C12orf42: variants seen among roughly 807,000 people sequenced by gnomAD.
C12orf42 encodes chromosome 12 open reading frame 42.
C12orf42 carries 25 observed loss-of-function variants against 21.6 expected under a neutral mutation model. The observed-to-expected ratio is 1.16, with a 90% CI of 0.84 to 1.62. The LOEUF (loss-of-function observed/expected upper bound fraction) is 1.62. Among genes scored for constraint, C12orf42 ranks in the 40% most tolerant of loss-of-function variants. The probability of loss-of-function intolerance (pLI) is 0.00; values close to 1 mark genes in which losing one functional copy is unlikely to be tolerated. For missense variants in C12orf42, 483 were observed against 459.3 expected (o/e 1.05, Z -0.47); for synonymous variants, 174 against 175.0 (o/e 0.99, Z 0.05).
intron 2 of C12orf42, among the ~76,000 whole-genome samples, chr12:103,456,851 T>C (rs147676361): frequency 1.1e-3 from 168 of 152,332 alleles, no homozygotes; most frequent in African/African-American, 3.6e-3. Flanking sequence ...CTTTACTAAA[T>C]CAAATTAATA....
rs1182894693 is a variant in C12orf42, at chr12:103,302,482, G to C, written c.709C>G (p.Pro237Ala). The part of the protein sequence containing the change: ...QTPGALQSTG[P>A]SNTELEPEER... Reference sequence around the variant, plus strand: ...TCCGGCTCGAGCTCTGTGTTACTCGGGCCGGTGCTCTGCAGAGCGCCGGGC... The same window carrying C: ...TCCGGCTCGAGCTCTGTGTTACTCGCGCCGGTGCTCTGCAGAGCGCCGGGC... The change falls in exon 6 of 6, where the codon CCG becomes GCG. Residue 237 changes from proline to alanine, a missense_variant. Coordinates refer to ENST00000548883, the MANE Select transcript of C12orf42 (RefSeq NM_198521.5). 1.9e-6 allele frequency: 3 copies of C among 1,613,416 alleles called. No individual in the cohort carries two copies. The highest frequency in any genetic ancestry group is 2.5e-6 in the Non-Finnish European group (3 of 1,179,808).
chr12:103,471,529 T>G (rs1565881807), intron 2 of C12orf42, among the ~76,000 whole-genome samples: 1 of 152,250 alleles, frequency 6.6e-6, no homozygotes, highest in Non-Finnish European at 1.5e-5. Context: ...AGCATCTTGA[T>G]TGTATGAGGT....
At chr12:103,198,488 C>T in the C12orf42 span, among the ~76,000 whole-genome samples, 1 of 152,200 alleles carries the variant, frequency 6.6e-6, no homozygotes, top group Non-Finnish European at 1.5e-5. Context: ...CCAAAGCCAC[C>T]TAGAGGAGCA....
chr12:103,292,673 A>T (rs1293323323), intron 4 of C12orf42, among the ~76,000 whole-genome samples: 2 of 152,090 alleles, frequency 1.3e-5, no homozygotes, highest in Non-Finnish European at 2.9e-5. Flanking sequence ...AGCTTTGAAA[A>T]TGCTTTAGAA....
intron 1 of C12orf42, among the ~76,000 whole-genome samples, chr12:103,481,095 T>C (rs1363513430): frequency 2.6e-5 from 4 of 151,886 alleles, no homozygotes; most frequent in Non-Finnish European, 5.9e-5. Context: ...ATCTTCTTAA[T>C]AAATCATTTT....
At chr12:103,341,805 A>G (rs920318664) in intron 4 of C12orf42, among the ~76,000 whole-genome samples, 16 of 152,206 alleles carry the variant, frequency 1.1e-4, no homozygotes, top group Non-Finnish European at 2.1e-4. Flanking sequence ...GCCCACAGTA[A>G]CATAATCAAA....
chr12:103,509,962 G>C, the C12orf42 span, among the ~76,000 whole-genome samples: 1 of 152,254 alleles, frequency 6.6e-6, no homozygotes, highest in Admixed American at 6.5e-5. Flanking sequence ...CTTAAAGAAC[G>C]AAAAGTAAAA....
At chr12:103,293,903 C>T (rs1017970319) in intron 4 of C12orf42, among the ~76,000 whole-genome samples, 1 of 152,122 alleles carries the variant, frequency 6.6e-6, no homozygotes, top group Non-Finnish European at 1.5e-5. Context: ...GGATTATCAT[C>T]AAAGGACCTA....
the C12orf42 span, among the ~76,000 whole-genome samples, chr12:103,189,261 G>A: frequency 6.6e-6 from 1 of 152,198 alleles, no homozygotes; most frequent in South Asian, 2.1e-4. Flanking sequence ...GGTTCAGAGT[G>A]TCTGTAGAAT....
the C12orf42 span, among the ~76,000 whole-genome samples, chr12:103,556,969 G>A: frequency 6.6e-6 from 1 of 151,396 alleles, no homozygotes; most frequent in African/African-American, 2.4e-5. Flanking sequence ...AAGCAAGGAA[G>A]GATCCTCCCA....
chr12:103,382,187 C>T (rs1188196896), intron 3 of C12orf42, among the ~76,000 whole-genome samples: 1 of 151,982 alleles, frequency 6.6e-6, no homozygotes, highest in Non-Finnish European at 1.5e-5. Flanking sequence ...TATTTTCTAT[C>T]CTCATGAAAA....
chr12:103,271,084 G>A (rs2035448164), intron 5 of C12orf42, among the ~76,000 whole-genome samples: 2 of 152,110 alleles, frequency 1.3e-5, no homozygotes, highest in African/African-American at 2.4e-5. Flanking sequence ...TAGCAGGACA[G>A]CACCTTGTTA....
chr12:103,160,172 C>T, the C12orf42 span, among the ~76,000 whole-genome samples: 1 of 152,218 alleles, frequency 6.6e-6, no homozygotes, highest in African/African-American at 2.4e-5. Context: ...AAAATTCCAT[C>T]ATTGATCCTT....
chr12:103,068,912 G>GAT, the C12orf42 span, among the ~76,000 whole-genome samples: 178 of 60,558 alleles, frequency 2.9e-3, 1 homozygote, highest in African/African-American at 9.7e-3. Context: ...GATAGATATA[G>GAT]ATATATATAT....
Position 103,440,457 on chromosome 12 carries a change from C to CAAAAAAAAAAAAAA in C12orf42, c.78+37878_78+37891dup. On this transcript the variant is annotated intron_variant, in intron 2 of 5. Transcript: ENST00000548883. ...AAATAAATAAAAGCCTCACAGATAC[C>CAAAAAAAAAAAAAA]AAAAAAAAAAAAAAAAAAAAAAGAA... Among the ~76,000 whole-genome samples the CAAAAAAAAAAAAAA allele has an allele frequency of 7.3e-4, 51 of 69,692 alleles. 2 individuals are homozygous for CAAAAAAAAAAAAAA. The highest frequency in any genetic ancestry group is 9.9e-4 in the Non-Finnish European group (40 of 40,608). The allele number at this position is 69,692 out of a possible 152,430, so 45.7% of individuals were successfully genotyped here.
chr12:103,475,152 A>T (rs1001781581), intron 2 of C12orf42, among the ~76,000 whole-genome samples: 17 of 152,182 alleles, frequency 1.1e-4, no homozygotes, highest in Non-Finnish European at 1.5e-5. Flanking sequence ...TTCTATAGAG[A>T]CAAAAAACAA....
chr12:103,499,958 A>C (rs576186558), upstream of C12orf42, among the ~76,000 whole-genome samples: 1 of 152,364 alleles, frequency 6.6e-6, no homozygotes, highest in African/African-American at 2.4e-5. Context: ...GAAATGGAAA[A>C]TAAAGAGATT....
At chr12:103,282,313 T>G (rs994154381) in intron 4 of C12orf42, among the ~76,000 whole-genome samples, 1 of 152,216 alleles carries the variant, frequency 6.6e-6, no homozygotes, top group African/African-American at 2.4e-5. Context: ...ATGCCAAGAA[T>G]ATAGTCATGT....
intron 4 of C12orf42, among the ~76,000 whole-genome samples, chr12:103,351,788 TC>T (rs774898758): frequency 2.6e-5 from 4 of 152,114 alleles, no homozygotes; most frequent in Non-Finnish European, 5.9e-5. Context: ...TTAACTGGTG[TC>T]CAAAAATAAT....
Sources: gnomAD v4.1 joint callset for allele counts (sites outside exome capture counted in the v4.1 genomes callset) on GRCh38, gnomAD v4.1.1 for gene constraint, MANE v1.5 for transcripts, NCBI Gene and HGNC (gene_info 2026-07-23, HGNC 2026-07-21) for gene names.